The following NAALADL2 variants were observed in gnomAD, a reference collection of about 807,000 sequenced individuals.
NAALADL2 encodes N-acetylated alpha-linked acidic dipeptidase like 2, also known as inactive N-acetylated-alpha-linked acidic dipeptidase-like protein 2.
A neutral mutation model predicts 87.2 loss-of-function variants in NAALADL2; 76 were observed. The ratio of observed to expected loss-of-function variants is 0.87; its 90% confidence interval spans 0.72 to 1.05. The LOEUF (loss-of-function observed/expected upper bound fraction) is 1.05, where lower values mean the gene tolerates loss of function less well. Ranked by LOEUF, NAALADL2 falls within the 50% of genes least tolerant of loss-of-function variation. The pLI is 0.00. For synonymous variants in NAALADL2, 354 were observed against 331.0 expected (o/e 1.07, Z -0.75); for missense variants, 1,089 against 945.8 (o/e 1.15, Z -1.99).
At chr3:174,866,892 T>A (rs1352532074) in intron 1 of NAALADL2, among the ~76,000 whole-genome samples, 2 of 151,832 alleles carry the variant, frequency 1.3e-5, no homozygotes, top group Non-Finnish European at 3.0e-5. Flanking sequence ...TTTATATTTT[T>A]TCCAGTTTAC....
intron 4 of NAALADL2, among the ~76,000 whole-genome samples, chr3:175,295,887 C>T (rs905174814): frequency 1.3e-5 from 2 of 152,008 alleles, no homozygotes; most frequent in African/African-American, 2.4e-5. Context: ...CATACTTCAT[C>T]ATGAGTTGGA....
intron 2 of NAALADL2, among the ~76,000 whole-genome samples, chr3:174,579,676 CTT>C (rs2108556137): frequency 6.6e-6 from 1 of 152,150 alleles, no homozygotes; most frequent in East Asian, 1.9e-4. Context: ...GATTTATACA[CTT>C]ATGATTTTTG....
chr3:174,749,003 C>CT (rs754372887), intron 3 of NAALADL2, among the ~76,000 whole-genome samples: 1 of 152,096 alleles, frequency 6.6e-6, no homozygotes, highest in Non-Finnish European at 1.5e-5. Context: ...ATATTGGTGC[C>CT]TTTGATGGAA....
intron 2 of NAALADL2, among the ~76,000 whole-genome samples, chr3:174,573,777 A>G (rs1438016830): frequency 1.3e-5 from 2 of 152,132 alleles, no homozygotes; most frequent in Non-Finnish European, 1.5e-5. Flanking sequence ...AATGGCATCA[A>G]TTCATTCATG....
chr3:175,318,547 G>A (rs1450415769), intron 4 of NAALADL2, among the ~76,000 whole-genome samples: 1 of 152,008 alleles, frequency 6.6e-6, no homozygotes, highest in South Asian at 2.1e-4. Flanking sequence ...ACTGAAAGAA[G>A]ATATAAAAAT....
intron 1 of NAALADL2, among the ~76,000 whole-genome samples, chr3:174,482,911 C>A (rs1056266888): frequency 6.6e-6 from 1 of 152,034 alleles, no homozygotes; most frequent in Non-Finnish European, 1.5e-5. Context: ...CATATCACTA[C>A]CTCTTTCTTT....
chr3:175,056,729 G>A (rs1220627144), intron 1 of NAALADL2, among the ~76,000 whole-genome samples: 3 of 152,166 alleles, frequency 2.0e-5, no homozygotes, highest in Admixed American at 6.5e-5. Flanking sequence ...TTCCTTATGC[G>A]AAATAAAGAG....
chr3:175,533,928 T>C (rs797014889), intron 9 of NAALADL2, among the ~76,000 whole-genome samples: 1 of 152,018 alleles, frequency 6.6e-6, no homozygotes, highest in Non-Finnish European at 1.5e-5. Context: ...AGCTTCATTG[T>C]GTTCCTTGGT....
intron 9 of NAALADL2, among the ~76,000 whole-genome samples, chr3:175,485,730 A>G (rs560800051): frequency 3.9e-5 from 6 of 152,270 alleles, no homozygotes; most frequent in Non-Finnish European, 8.8e-5. Flanking sequence ...CATCCAGATT[A>G]AGGCTGGGTC....
rs775120530 is a variant in NAALADL2, at chr3:175,730,457, C to T, written c.1897-6849C>T. Among the ~76,000 whole-genome samples the T allele has an allele frequency of 6.0e-4, 81 of 134,750 alleles. 1 individual carries two copies. The highest frequency in any genetic ancestry group is 1.1e-3 in the Non-Finnish European group (66 of 61,798). 88.4% of individuals were successfully genotyped at this position (134,750 alleles called of 152,430 possible). A position where few individuals can be genotyped will look rare whatever the true frequency, so the allele number is the denominator to read the frequency against. On this transcript the variant is annotated intron_variant, in intron 11 of 13. Transcript: ENST00000454872. ...ATATATATATATACACACATACACACGCACACACACACGTGTGTGTGTGCG... is the reference window on the plus strand; with the variant it reads ...ATATATATATATACACACATACACATGCACACACACACGTGTGTGTGTGCG...
chr3:175,042,784 C>A (rs952702342), intron 1 of NAALADL2, among the ~76,000 whole-genome samples: 1 of 152,122 alleles, frequency 6.6e-6, no homozygotes, highest in Non-Finnish European at 1.5e-5. Flanking sequence ...ATTTGCCCCT[C>A]CAAACCTCAT....
In NAALADL2 at chr3:175,642,114, A is replaced by G. The variant is rs73881327; in HGVS notation, c.1896+14728A>G. ...TTCTCAATCACCATCCCAAATCTTT[A>G]TAAAAGGGATAACTATGTGTTTAGT... On this transcript the variant is annotated intron_variant, in intron 11 of 13. Coordinates refer to ENST00000454872, the MANE Select transcript of NAALADL2 (RefSeq NM_207015.3). Among the ~76,000 whole-genome samples the G allele has an allele frequency of 4.1e-3, 628 of 152,288 alleles. 3 individuals carry two copies. Among genetic ancestry groups the G allele is most frequent in the African/African-American group, 0.014 (588 of 41,574 alleles).
Position 174,943,256 on chromosome 3 carries a change from A to C in NAALADL2, c.43+83806A>C, listed in dbSNP as rs143992877. Among the ~76,000 whole-genome samples, 385 of 152,196 alleles carry C rather than the reference A, an allele frequency of 2.5e-3. 4 individuals carry two copies. The highest frequency in any genetic ancestry group is 8.9e-3 in the African/African-American group (368 of 41,526). ...GGCTGAGGCTTTGTGCAGGGTCTTT[A>C]TTTGAAGCTGCTTTCTTGTCTCTGG... is the stretch of plus-strand genomic sequence containing the variant. On this transcript the variant is annotated intron_variant, in intron 1 of 13. Transcript: ENST00000454872.
rs189309760 is a variant in NAALADL2, at chr3:175,357,924, C to T, written c.1090+33599C>T. On this transcript the variant is annotated intron_variant, in intron 5 of 13. Coordinates refer to ENST00000454872, the MANE Select transcript of NAALADL2 (RefSeq NM_207015.3). The stretch of plus-strand genomic sequence containing the variant: ...TCAGGAAGTCATTAATGCCAGAAAC[C>T]AGCTGACAACATGGAGCAGACACTG... Among the ~76,000 whole-genome samples the T allele has an allele frequency of 1.6e-4, 25 of 152,186 alleles. No individual in the cohort carries two copies. The East Asian group carries it at 4.6e-3, about 28-fold the overall frequency.
At chr3:174,825,329 G>T (rs1192207366) in intron 3 of NAALADL2, among the ~76,000 whole-genome samples, 1 of 152,196 alleles carries the variant, frequency 6.6e-6, no homozygotes, top group Non-Finnish European at 1.5e-5. Context: ...GGAAGTCAGG[G>T]TGCTGGTGTA....
At chr3:175,289,357 A>T (rs1220299335) in intron 4 of NAALADL2, among the ~76,000 whole-genome samples, 1 of 152,122 alleles carries the variant, frequency 6.6e-6, no homozygotes, top group East Asian at 1.9e-4. Flanking sequence ...TACTAGTATA[A>T]GTACAATAAT....
rs1724872225 is a variant in NAALADL2 at position 175,471,488 on chromosome 3, A to AG, written c.1534-150dup. ...AGAGTCTGTCTCAAAAAAAAAAAAA[A>AG]GAAAGAAAGAAAGAAAAAAAAAAAG... On this transcript the variant is annotated intron_variant, in intron 8 of 13. Coordinates refer to ENST00000454872, the MANE Select transcript of NAALADL2 (RefSeq NM_207015.3). 3 of 493,946 alleles carry AG rather than the reference A, an allele frequency of 6.1e-6. No individual in the cohort carries two copies. The Admixed American group carries it at 1.5e-4, about 25-fold the overall frequency. 30.6% of individuals were successfully genotyped at this position (493,946 alleles called of 1,614,324 possible).
chr3:174,643,874 T>TA (rs1233603564), intron 2 of NAALADL2, among the ~76,000 whole-genome samples: 1 of 152,120 alleles, frequency 6.6e-6, no homozygotes, highest in African/African-American at 2.4e-5. Flanking sequence ...AAATACATAA[T>TA]AAAAAATACA....
intron 12 of NAALADL2, among the ~76,000 whole-genome samples, chr3:175,738,892 T>C (rs1161846864): frequency 1.3e-5 from 2 of 152,190 alleles, no homozygotes; most frequent in African/African-American, 4.8e-5. Flanking sequence ...GTCTAAATAG[T>C]TTTGTGAATA....
Sources: allele counts gnomAD v4.1 joint callset (sites outside exome capture counted in the v4.1 genomes callset), GRCh38; gene constraint gnomAD v4.1.1; transcripts MANE v1.5; gene names NCBI Gene and HGNC (gene_info 2026-07-23, HGNC 2026-07-21).